Variants in EYA3 observed in about 807,000 individuals in gnomAD.
EYA3 encodes the protein protein phosphatase EYA3.
A neutral mutation model predicts 80.0 loss-of-function variants in EYA3; 39 were observed. The observed-to-expected ratio is 0.49, with a 90% CI of 0.38 to 0.64. The LOEUF is 0.64. Among genes scored for constraint, EYA3 ranks in the 30% least tolerant of loss-of-function variants. The pLI, the probability that EYA3 is intolerant of heterozygous loss-of-function variation, is 0.00. For missense variants in EYA3, 523 were observed against 676.1 expected (o/e 0.77, Z 2.51); for synonymous variants, 206 against 232.8 (o/e 0.88, Z 1.05).
chr1:28,057,587 A>T (rs1444943133), intron 2 of EYA3, among the ~76,000 whole-genome samples: 1 of 152,170 alleles, frequency 6.6e-6, no homozygotes, highest in Non-Finnish European at 1.5e-5. Context: ...TCTGTTTTTA[A>T]GAATTAGCTA....
intron 1 of EYA3, among the ~76,000 whole-genome samples, chr1:28,087,629 T>C (rs111511442): frequency 6.6e-6 from 1 of 152,338 alleles, no homozygotes; most frequent in African/African-American, 2.4e-5. Flanking sequence ...AAGTGTCCTG[T>C]AAGAAGCGTC....
In EYA3 at chr1:28,013,944, T is replaced by G. The variant is rs992046140; in HGVS notation, c.586-650A>C. Among the ~76,000 whole-genome samples the G allele has an allele frequency of 2.6e-5, 4 of 152,056 alleles. No individual in the cohort carries two copies. Among genetic ancestry groups the G allele is most frequent in the Non-Finnish European group, 4.4e-5 (3 of 68,020 alleles). On this transcript the variant is annotated intron_variant, in intron 8 of 17. Coordinates refer to ENST00000373871, the MANE Select transcript of EYA3 (RefSeq NM_001990.4). The surrounding 1 kb of genome is among the most constrained non-coding windows in gnomAD (Gnocchi z 4.0). ...CTGGCGTGGTGGCACATGCCTGAAA[T>G]CCCAGCTACTTGGGAGGCTAAGGCA... is the stretch of plus-strand genomic sequence containing the variant.
intron 1 of EYA3, among the ~76,000 whole-genome samples, chr1:28,078,696 C>T (rs1046137511): frequency 6.6e-6 from 1 of 152,138 alleles, no homozygotes. Flanking sequence ...AGGCATGCAC[C>T]ACCATGCCCA....
intron 1 of EYA3, among the ~76,000 whole-genome samples, chr1:28,072,781 T>C (rs1645060376): frequency 6.6e-6 from 1 of 152,036 alleles, no homozygotes; most frequent in South Asian, 2.1e-4. Flanking sequence ...TGTATATAAA[T>C]GTGTACAGTA....
At position 27,974,419 on chromosome 1, in the gene EYA3, T is replaced by C. The variant is rs1373989954; in HGVS notation, c.*47A>G. 7 of 1,501,750 alleles carry C rather than the reference T, an allele frequency of 4.7e-6. No homozygotes were observed. Among genetic ancestry groups the C allele is most frequent in the Non-Finnish European group, 6.5e-6 (7 of 1,082,680 alleles). The allele number at this position is 1,501,750 out of a possible 1,614,324, so 93.0% of individuals were successfully genotyped here. ...CAGTTGGTTCCAGTCTCCAGCTCCC[T>C]TCAGGAGTGAAAAGGAGCTCAAGGG... is the stretch of plus-strand genomic sequence containing the variant. On this transcript the variant is annotated 3_prime_UTR_variant, in exon 18 of 18. Transcript: ENST00000373871.
At chr1:27,987,742 A>G (rs1458979298) in intron 16 of EYA3, among the ~76,000 whole-genome samples, 1 of 152,210 alleles carries the variant, frequency 6.6e-6, no homozygotes, top group Non-Finnish European at 1.5e-5. Flanking sequence ...GCTGGAGTGC[A>G]GTGGCGCGAT....
At chr1:28,061,359 A>AAGT (rs1301623761) in intron 1 of EYA3, among the ~76,000 whole-genome samples, 1 of 152,262 alleles carries the variant, frequency 6.6e-6, no homozygotes, top group Non-Finnish European at 1.5e-5. Flanking sequence ...ATAAGAATGC[A>AAGT]AGTATTCATC....
intron 6 of EYA3, among the ~76,000 whole-genome samples, chr1:28,031,054 T>G (rs1643110796): frequency 6.6e-6 from 1 of 152,206 alleles, no homozygotes; most frequent in Non-Finnish European, 1.5e-5. Context: ...TAGTATCAAC[T>G]GAGAATGTTT....
intron 3 of EYA3, 80 bp downstream of exon 3, chr1:28,048,303 G>C: frequency 1.1e-6 from 1 of 879,478 alleles, no homozygotes; most frequent in South Asian, 2.2e-5. Context: ...GGCAAAGCAT[G>C]CCCATACGCT....
chr1:28,035,709 T>C (rs770930028), intron 5 of EYA3, 29 bp from the exon 6 acceptor site: 15 of 1,609,192 alleles, frequency 9.3e-6, no homozygotes, highest in Non-Finnish European at 1.2e-5. Context: ...ACAAAAACTT[T>C]TGTGTGATTT....
At position 28,026,295 on chromosome 1, in the gene EYA3, G is replaced by C. The variant is rs1642780181; in HGVS notation, c.499+1494C>G. On this transcript the variant is annotated intron_variant, in intron 7 of 17. Transcript: ENST00000373871. ...AGACTTGGCAACTAGACTTACCTGTGGTTGAACCCAAAAGGCCTATCAACA... is the reference window on the plus strand; with the variant it reads ...AGACTTGGCAACTAGACTTACCTGTCGTTGAACCCAAAAGGCCTATCAACA... Among the ~76,000 whole-genome samples the C allele has an allele frequency of 5.3e-5, 8 of 152,154 alleles. 1 individual carries two copies. The South Asian group carries it at 1.7e-3, about 32-fold the overall frequency.
chr1:28,065,173 T>C (rs1644786573), intron 1 of EYA3, among the ~76,000 whole-genome samples: 1 of 152,212 alleles, frequency 6.6e-6, no homozygotes, highest in Non-Finnish European at 1.5e-5. Context: ...TCACACACTG[T>C]GTGGCCAAAA....
intron 10 of EYA3, 45 bp from the exon 11 acceptor site, chr1:28,004,464 A>G (rs966056797): frequency 7.2e-7 from 1 of 1,390,284 alleles, no homozygotes; most frequent in African/African-American, 1.4e-5. Context: ...TCCAATTACA[A>G]TGGAATGAAA....
chr1:28,003,876 T>C (rs112627643), intron 11 of EYA3, among the ~76,000 whole-genome samples: 351 of 133,204 alleles, frequency 2.6e-3, no homozygotes, highest in African/African-American at 7.0e-3. Flanking sequence ...GTATTTAGTT[T>C]AAAAAGGGAT....
intron 11 of EYA3, 24 bp from the exon 12 acceptor site, chr1:28,000,073 A>C: frequency 6.5e-7 from 1 of 1,547,180 alleles, no homozygotes; most frequent in Non-Finnish European, 8.8e-7. Flanking sequence ...AGAAAAAATC[A>C]GCTTGACTTG....
At chr1:28,015,334 A>G (rs1047136544) in intron 8 of EYA3, among the ~76,000 whole-genome samples, 3 of 152,236 alleles carry the variant, frequency 2.0e-5, no homozygotes, top group Admixed American at 6.5e-5. Flanking sequence ...TGGTAAAGCA[A>G]TAAGACTTGG....
rs1638838634 is a variant in EYA3 at position 27,974,363 on chromosome 1, G to C, written c.*103C>G. ...AGAAAGAGAGAGAGATAGAGACAGA[G>C]ACACAGAGAGAGACAGACAGAGAAA... On this transcript the variant is annotated 3_prime_UTR_variant, in exon 18 of 18. Coordinates refer to ENST00000373871, the MANE Select transcript of EYA3 (RefSeq NM_001990.4). 3.9e-6 allele frequency: 3 copies of C among 764,414 alleles called. No individual in the cohort carries two copies. In the African/African-American group the frequency reaches 5.2e-5, roughly 13 times the overall value. The allele number at this position is 764,414 out of a possible 1,614,324, so 47.4% of individuals were successfully genotyped here.
At chr1:28,069,975 G>A (rs1196550839) in intron 1 of EYA3, among the ~76,000 whole-genome samples, 1 of 152,170 alleles carries the variant, frequency 6.6e-6, no homozygotes, top group Non-Finnish European at 1.5e-5. Flanking sequence ...CAGAAGCTGG[G>A]AGAGGCAAGG....
Position 28,038,439 on chromosome 1 carries a change from T to TAAAAAAAAAAA in EYA3, c.224+389_224+399dup, listed in dbSNP as rs74525723. 6.4e-4 allele frequency among the ~76,000 whole-genome samples: 44 copies of TAAAAAAAAAAA among 68,496 alleles called. 1 individual carries two copies. The highest frequency in any genetic ancestry group is 2.3e-3 in the African/African-American group (40 of 17,572). The allele number at this position is 68,496 out of a possible 152,430, so 44.9% of individuals were successfully genotyped here. A position where few individuals can be genotyped will look rare whatever the true frequency, so the allele number is the denominator to read the frequency against. On this transcript the variant is annotated intron_variant, in intron 5 of 17. Transcript: ENST00000373871. ...CAACAAACAGAGTGAGATTCTATCT[T>TAAAAAAAAAAA]AAAAAAAAAAAAAAAAAAAAAAAAA... is the stretch of plus-strand genomic sequence containing the variant.
Sources: allele counts gnomAD v4.1 joint callset (sites outside exome capture counted in the v4.1 genomes callset), GRCh38; gene constraint gnomAD v4.1.1; non-coding constraint Gnocchi (gnomAD v3.1); transcripts MANE v1.5; gene names NCBI Gene and HGNC (gene_info 2026-07-23, HGNC 2026-07-21).